The following SKAP1 variants were observed in gnomAD, a reference collection of about 807,000 sequenced individuals.
SKAP1 encodes src kinase associated phosphoprotein 1.
A neutral mutation model predicts 58.5 loss-of-function variants in SKAP1; 44 were observed. The ratio of observed to expected loss-of-function variants is 0.75; its 90% CI spans 0.59 to 0.97. The LOEUF (loss-of-function observed/expected upper bound fraction) is 0.97, where lower values mean the gene tolerates loss of function less well. SKAP1 is among the 50% of genes least tolerant of loss of function. The pLI, the probability that SKAP1 is intolerant of heterozygous loss-of-function variation, is 0.00. For missense variants in SKAP1, 390 were observed against 435.2 expected, an observed-to-expected ratio of 0.90 and a Z score of 0.92; for synonymous variants, 127 against 149.7, an observed-to-expected ratio of 0.85 and a Z score of 1.11.
At chr17:48,310,307 TTGAGGCAA>T (rs2066206352) in intron 4 of SKAP1, among the ~76,000 whole-genome samples, 1 of 152,158 alleles carries the variant, frequency 6.6e-6, no homozygotes, top group Non-Finnish European at 1.5e-5. Flanking sequence ...GAGAAGAAAA[TTGAGGCAA>T]ATCACTGCTG....
intron 4 of SKAP1, among the ~76,000 whole-genome samples, chr17:48,226,422 A>G (rs2065069159): frequency 6.6e-6 from 1 of 152,054 alleles, no homozygotes; most frequent in African/African-American, 2.4e-5. Flanking sequence ...TTCTATAGGC[A>G]CTATTGTAGG....
chr17:48,405,392 C>T lies in SKAP1; in HGVS notation c.47-8607G>A, dbSNP rs149282589. 6.3e-3 allele frequency among the ~76,000 whole-genome samples: 673 copies of T among 107,336 alleles called. 13 individuals are homozygous for T. The highest frequency in any genetic ancestry group is 0.036 in the Admixed American group (360 of 9,992). 70.4% of individuals were successfully genotyped at this position (107,336 alleles called of 152,430 possible). ...GGGTGCATTTTCTTTTTTTCTCTTT[C>T]CTTTCTTTCTTTCTTTCTTTCTTTC... On this transcript the variant is annotated intron_variant, in intron 1 of 12. Transcript: ENST00000336915.
intron 1 of SKAP1, among the ~76,000 whole-genome samples, chr17:48,422,373 A>T (rs997933416): frequency 2.0e-5 from 3 of 152,164 alleles, no homozygotes; most frequent in African/African-American, 7.2e-5. Context: ...AAAAAAATTT[A>T]ATTTTATTTA....
At chr17:48,373,523 T>A (rs993218307) in intron 2 of SKAP1, among the ~76,000 whole-genome samples, 7 of 152,106 alleles carry the variant, frequency 4.6e-5, no homozygotes, top group East Asian at 1.9e-4. Flanking sequence ...TAAAAAAAAA[T>A]AAATCTGGTA....
chr17:48,136,254 C>G (rs1359525554), intron 12 of SKAP1, among the ~76,000 whole-genome samples: 1 of 151,948 alleles, frequency 6.6e-6, no homozygotes, highest in Non-Finnish European at 1.5e-5. Flanking sequence ...TCACTGCAAC[C>G]TATGCCTCCC....
chr17:48,274,569 G>C (rs1305701553), intron 4 of SKAP1, among the ~76,000 whole-genome samples: 1 of 151,962 alleles, frequency 6.6e-6, no homozygotes, highest in Non-Finnish European at 1.5e-5. Flanking sequence ...GGTGGCAGGC[G>C]CCTGTAATCC....
intron 11 of SKAP1, among the ~76,000 whole-genome samples, chr17:48,149,238 A>C (rs1473865096): frequency 6.6e-6 from 1 of 152,172 alleles, no homozygotes; most frequent in Non-Finnish European, 1.5e-5. Flanking sequence ...TTAAAACCTT[A>C]GATTTTCTCT....
intron 3 of SKAP1, 118 bp from the exon 4 acceptor site, chr17:48,346,124 T>C (rs2066720315): frequency 1.9e-6 from 1 of 530,832 alleles, no homozygotes; most frequent in East Asian, 3.4e-5. Flanking sequence ...AAAGTGTATC[T>C]TTTACTGGAT....
At chr17:48,370,227 TA>T (rs1407785976) in intron 2 of SKAP1, among the ~76,000 whole-genome samples, 2 of 152,198 alleles carry the variant, frequency 1.3e-5, no homozygotes, top group Non-Finnish European at 2.9e-5. Context: ...GGCCAACGAA[TA>T]TATTAAAATG....
At chr17:48,146,023 G>C (rs1006138121) in intron 11 of SKAP1, among the ~76,000 whole-genome samples, 9 of 152,094 alleles carry the variant, frequency 5.9e-5, no homozygotes, top group African/African-American at 1.9e-4. Context: ...CCTCGTCTCT[G>C]GGGTGAGGCC....
intron 4 of SKAP1, among the ~76,000 whole-genome samples, chr17:48,321,347 CATTATTATT>C (rs59389347): frequency 0.036 from 5,002 of 137,502 alleles, 110 homozygotes; most frequent in African/African-American, 0.06. Flanking sequence ...CCTTCTGTCT[CATTATTATT>C]ATTATTATTA....
intron 4 of SKAP1, among the ~76,000 whole-genome samples, chr17:48,225,563 G>T (rs2065058401): frequency 6.6e-6 from 1 of 152,178 alleles, no homozygotes; most frequent in Admixed American, 6.5e-5. Flanking sequence ...TGTACCACAT[G>T]GATTATGCGG....
At position 48,397,044 on chromosome 17, in the gene SKAP1, AAAT is replaced by A. The variant is rs1354571135; in HGVS notation, c.47-262_47-260del. The A allele has an allele frequency of 1.4e-4, 39 of 286,218 alleles. No homozygotes were observed. The Middle Eastern group carries it at 8.7e-3, about 64-fold the overall frequency. 17.7% of individuals were successfully genotyped at this position (286,218 alleles called of 1,614,324 possible). A position where few individuals can be genotyped will look rare whatever the true frequency, so the allele number is the denominator to read the frequency against. On this transcript the variant is annotated intron_variant, in intron 1 of 12. Coordinates refer to ENST00000336915, the MANE Select transcript of SKAP1 (RefSeq NM_003726.4). ...TATATTTTGTATATGTTACCAGAATAAATAATAACTAAAATTTTATATATACCT... is the reference window on the plus strand; with the variant it reads ...TATATTTTGTATATGTTACCAGAATAAATAACTAAAATTTTATATATACCT...
chr17:48,401,508 CAATT>C (rs2067498830), intron 1 of SKAP1, among the ~76,000 whole-genome samples: 2 of 151,976 alleles, frequency 1.3e-5, no homozygotes, highest in South Asian at 4.1e-4. Flanking sequence ...AGGGTCAAGA[CAATT>C]AAATGTTGAA....
At chr17:48,209,059 G>A (rs1259756716) in intron 4 of SKAP1, among the ~76,000 whole-genome samples, 1 of 152,066 alleles carries the variant, frequency 6.6e-6, no homozygotes, top group Non-Finnish European at 1.5e-5. Flanking sequence ...TAAGAAAAAT[G>A]ACCATTTTTC....
At chr17:48,413,514 C>CAAAAAAAAAAA (rs1222640261) in intron 1 of SKAP1, among the ~76,000 whole-genome samples, 1 of 99,926 alleles carries the variant, frequency 1.0e-5, no homozygotes, top group Non-Finnish European at 1.9e-5. Flanking sequence ...AACTCCGTCT[C>CAAAAAAAAAAA]AAAAAAAAAA....
intron 2 of SKAP1, among the ~76,000 whole-genome samples, chr17:48,377,919 T>G (rs537249467): frequency 1.1e-4 from 16 of 152,326 alleles, no homozygotes; most frequent in Admixed American, 6.5e-4. Context: ...GGAGTAGAAC[T>G]GTCCTTTGTC....
At chr17:48,364,764 T>C (rs2144403085) in intron 2 of SKAP1, among the ~76,000 whole-genome samples, 1 of 152,312 alleles carries the variant, frequency 6.6e-6, no homozygotes, top group South Asian at 2.1e-4. Context: ...TGACTTAAGG[T>C]TGTCTAACAT....
At position 48,184,571 on chromosome 17, in the gene SKAP1, T is replaced by C. The variant is rs191614810; in HGVS notation, c.567+152A>G. 96 of 950,912 alleles carry C rather than the reference T, an allele frequency of 1.0e-4. No individual in the cohort carries two copies. The African/African-American group carries it at 1.4e-3, about 13-fold the overall frequency. The allele number at this position is 950,912 out of a possible 1,614,324, so 58.9% of individuals were successfully genotyped here. Reference sequence around the variant, plus strand: ...AGGGGAGGGTGTGGCATAGCAAATATGAGGACATGCCAAGAAATAGGGTCT... The same window carrying C: ...AGGGGAGGGTGTGGCATAGCAAATACGAGGACATGCCAAGAAATAGGGTCT... On this transcript the variant is annotated intron_variant, in intron 7 of 12. Transcript: ENST00000336915.
Sources: allele counts gnomAD v4.1 joint callset (sites outside exome capture counted in the v4.1 genomes callset), GRCh38; gene constraint gnomAD v4.1.1; transcripts MANE v1.5; gene names NCBI Gene and HGNC (gene_info 2026-07-23, HGNC 2026-07-21).